Variants in LYN observed in about 807,000 individuals in gnomAD.
LYN encodes the protein tyrosine-protein kinase Lyn.
Under a neutral mutation model 65.0 loss-of-function variants are expected in LYN, and 12 were observed. That is an observed-to-expected ratio of 0.18 (90% CI 0.12 to 0.30). The LOEUF is 0.30. LYN is among the 10% of genes least tolerant of loss of function. The probability of loss-of-function intolerance (pLI) is 1.00; values close to 1 mark genes in which losing one functional copy is unlikely to be tolerated. For synonymous variants in LYN, 222 were observed against 221.2 expected (o/e 1.00, Z -0.03); for missense variants, 380 against 623.2 (o/e 0.61, Z 4.16).
intron 8 of LYN, among the ~76,000 whole-genome samples, chr8:55,960,105 C>T (rs1807231042): frequency 6.6e-6 from 1 of 152,074 alleles, no homozygotes; most frequent in Non-Finnish European, 1.5e-5. Flanking sequence ...GATGATTGTA[C>T]AATTCTGAAT....
At chr8:55,902,647 G>A (rs1805304410) in intron 1 of LYN, 1 of 370,636 alleles carries the variant, frequency 2.7e-6, no homozygotes, top group African/African-American at 2.1e-5. Flanking sequence ...GATAAGAGCT[G>A]AAAATTCCTT....
At chr8:55,961,438 A>G (rs560804679) in intron 8 of LYN, among the ~76,000 whole-genome samples, 58 of 152,302 alleles carry the variant, frequency 3.8e-4, no homozygotes, top group Non-Finnish European at 7.2e-4. Context: ...TCATGCCTTT[A>G]ACAGAGGGAT....
At chr8:55,980,133 C>T (rs997752793) in intron 10 of LYN, 1 of 152,480 alleles carries the variant, frequency 6.6e-6, no homozygotes, top group Non-Finnish European at 1.5e-5. Context: ...CCTCCTCACT[C>T]ATAATCAAGT....
chr8:55,906,440 A>G (rs1251818058), intron 1 of LYN, among the ~76,000 whole-genome samples: 1 of 152,042 alleles, frequency 6.6e-6, no homozygotes, highest in African/African-American at 2.4e-5. Flanking sequence ...GTTCACTGCA[A>G]CTTCCACCTC....
intron 1 of LYN, among the ~76,000 whole-genome samples, chr8:55,907,122 GAC>G (rs1332615859): frequency 6.6e-6 from 1 of 152,032 alleles, no homozygotes; most frequent in Non-Finnish European, 1.5e-5. Flanking sequence ...TCCACAAAAA[GAC>G]ATGTCCAGTT....
chr8:55,989,876 GT>G (rs1808194491), intron 10 of LYN, among the ~76,000 whole-genome samples: 1 of 152,168 alleles, frequency 6.6e-6, no homozygotes, highest in Admixed American at 6.5e-5. Flanking sequence ...GTGTACATTG[GT>G]TCAACCCAGG....
intron 10 of LYN, among the ~76,000 whole-genome samples, chr8:55,974,960 A>T (rs1322893490): frequency 1.3e-5 from 2 of 152,018 alleles, no homozygotes; most frequent in Non-Finnish European, 2.9e-5. Flanking sequence ...CTCCATATAT[A>T]ATCTCCCCTC....
Position 55,952,563 on chromosome 8 carries a change from A to G in LYN, c.637+448A>G, listed in dbSNP as rs1203357912. On this transcript the variant is annotated intron_variant, in intron 7 of 12. Coordinates refer to ENST00000519728, the MANE Select transcript of LYN (RefSeq NM_002350.4). ...TGACAGAGCAAGACTCTGTCTCAAA[A>G]AACAAATACTAAAATAAAAGCAATT... Among the ~76,000 whole-genome samples the G allele has an allele frequency of 3.9e-5, 6 of 152,230 alleles. No homozygotes were observed. In the East Asian group the frequency reaches 1.2e-3, roughly 29 times the overall value.
intron 6 of LYN, 138 bp downstream of exon 6, chr8:55,950,922 A>T (rs1481170655): frequency 3.1e-6 from 2 of 646,544 alleles, no homozygotes; most frequent in East Asian, 5.4e-5. Context: ...ATAACAAATA[A>T]CAAACCTCAG....
intron 9 of LYN, among the ~76,000 whole-genome samples, chr8:55,967,550 A>G (rs1807497715): frequency 6.6e-6 from 1 of 152,162 alleles, no homozygotes; most frequent in Non-Finnish European, 1.5e-5. Flanking sequence ...TCCTGAGCTC[A>G]GGCAATCTGC....
At chr8:55,903,030 G>A (rs984223558) in intron 1 of LYN, among the ~76,000 whole-genome samples, 2 of 152,130 alleles carry the variant, frequency 1.3e-5, no homozygotes, top group Admixed American at 6.5e-5. Flanking sequence ...GTATTTTTTA[G>A]TACAGACAGG....
At chr8:55,987,505 G>T (rs2130563996) in intron 10 of LYN, among the ~76,000 whole-genome samples, 1 of 152,100 alleles carries the variant, frequency 6.6e-6, no homozygotes, top group Non-Finnish European at 1.5e-5. Context: ...GTCTTGTCTT[G>T]CAACCTCCGC....
In LYN at chr8:55,914,211, G is replaced by A. The variant is rs1157976806; in HGVS notation, c.-5-27644G>A. Among the ~76,000 whole-genome samples, 4 of 152,020 alleles carry A rather than the reference G, an allele frequency of 2.6e-5. No homozygotes were observed. The East Asian group carries it at 7.7e-4, about 29-fold the overall frequency. ...TCAGAGGGTTTTTAGGATGGCCTGT[G>A]AGGTGTAGGAGGGTCTGGAGGTCGG... On this transcript the variant is annotated intron_variant, in intron 1 of 12. Coordinates refer to ENST00000519728, the MANE Select transcript of LYN (RefSeq NM_002350.4).
intron 2 of LYN, among the ~76,000 whole-genome samples, chr8:55,943,966 C>T (rs1287352550): frequency 1.3e-5 from 2 of 151,950 alleles, no homozygotes; most frequent in Non-Finnish European, 2.9e-5. Context: ...GCCTGTAATC[C>T]CAGCTACTTG....
chr8:55,880,910 T>C (rs1368902768), intron 1 of LYN, among the ~76,000 whole-genome samples: 1 of 152,258 alleles, frequency 6.6e-6, no homozygotes, highest in Non-Finnish European at 1.5e-5. Context: ...ACAGCCTGCC[T>C]GTCATGTGGA....
At chr8:55,940,938 T>C (rs1345678246) in intron 1 of LYN, among the ~76,000 whole-genome samples, 1 of 152,164 alleles carries the variant, frequency 6.6e-6, no homozygotes, top group Non-Finnish European at 1.5e-5. Context: ...CATTTTGCTT[T>C]TACCTGCGCT....
Position 55,898,929 on chromosome 8 carries a change from A to G in LYN, c.-6+18826A>G, listed in dbSNP as rs781033368. Among the ~76,000 whole-genome samples the G allele has an allele frequency of 9.3e-4, 142 of 152,122 alleles. 2 individuals are homozygous for G. The highest frequency in any genetic ancestry group is 2.2e-4 in the Non-Finnish European group (15 of 68,028). On this transcript the variant is annotated intron_variant, in intron 1 of 12. Transcript: ENST00000519728. ...GCCTCTGATCTTCTGGGCTCACGCA[A>G]TCCTCCTGCCTCAGCCTCCTGTGTA...
At chr8:55,895,148 C>T (rs1418839656) in intron 1 of LYN, among the ~76,000 whole-genome samples, 1 of 152,112 alleles carries the variant, frequency 6.6e-6, no homozygotes, top group Non-Finnish European at 1.5e-5. Context: ...CCTCCAGCCA[C>T]AGTTCCTGAT....
intron 2 of LYN, 102 bp from the exon 3 acceptor site, chr8:55,946,346 C>T (rs748804676): frequency 2.7e-5 from 21 of 772,424 alleles, no homozygotes; most frequent in Non-Finnish European, 4.4e-5. Context: ...TAAATGAGCC[C>T]ATCCTAACAT....
Sources: gnomAD v4.1 joint callset for allele counts (sites outside exome capture counted in the v4.1 genomes callset) on GRCh38, gnomAD v4.1.1 for gene constraint, MANE v1.5 for transcripts, NCBI Gene and HGNC (gene_info 2026-07-23, HGNC 2026-07-21) for gene names.